Variants in CREB5 observed in about 807,000 individuals in gnomAD.
CREB5 encodes the protein cyclic AMP-responsive element-binding protein 5.
CREB5 carries 19 observed loss-of-function variants against 57.1 expected under a neutral mutation model. The observed-to-expected ratio is 0.33, with a 90% CI of 0.23 to 0.49. The LOEUF is 0.49. Among genes scored for constraint, CREB5 ranks in the 20% least tolerant of loss-of-function variants. The pLI is 0.99. For missense variants in CREB5, 579 were observed against 671.6 expected (o/e 0.86, Z 1.52); for synonymous variants, 238 against 238.3 (o/e 1.00, Z 0.01).
intron 1 of CREB5, among the ~76,000 whole-genome samples, chr7:28,407,028 A>C (rs2128000655): frequency 1.3e-5 from 2 of 151,900 alleles, no homozygotes; most frequent in Middle Eastern, 3.4e-3. Context: ...CCTGTGCCAA[A>C]CACAATTCTT....
chr7:28,683,980 A>G (rs947468620), intron 5 of CREB5, among the ~76,000 whole-genome samples: 5 of 151,948 alleles, frequency 3.3e-5, no homozygotes. Flanking sequence ...TTTAAATAAG[A>G]AAACTAAAGT....
At chr7:28,335,865 T>C (rs1396011910) in intron 1 of CREB5, among the ~76,000 whole-genome samples, 1 of 151,948 alleles carries the variant, frequency 6.6e-6, no homozygotes, top group Non-Finnish European at 1.5e-5. Context: ...TATTATGTTA[T>C]GTTCCGTCTA....
intron 5 of CREB5, among the ~76,000 whole-genome samples, chr7:28,636,135 T>A (rs1798409845): frequency 6.6e-6 from 1 of 152,238 alleles, no homozygotes; most frequent in Admixed American, 6.5e-5. Context: ...CATATTCTTT[T>A]CTAATAATAT....
chr7:28,651,423 A>T (rs1180380271), intron 5 of CREB5, among the ~76,000 whole-genome samples: 1 of 150,050 alleles, frequency 6.7e-6, no homozygotes, highest in Non-Finnish European at 1.5e-5. Flanking sequence ...ATAAGCCTTA[A>T]ATGAACTTGA....
At chr7:28,333,468 T>G (rs1275141528) in intron 1 of CREB5, among the ~76,000 whole-genome samples, 1 of 152,208 alleles carries the variant, frequency 6.6e-6, no homozygotes, top group African/African-American at 2.4e-5. Flanking sequence ...CACCTTGCTG[T>G]GCTGTCAAAT....
chr7:28,440,560 T>C (rs1789145046), intron 1 of CREB5, among the ~76,000 whole-genome samples: 1 of 152,174 alleles, frequency 6.6e-6, no homozygotes, highest in Non-Finnish European at 1.5e-5. Context: ...TTAACAAGCC[T>C]GAAAAGTAAC....
intron 7 of CREB5, among the ~76,000 whole-genome samples, chr7:28,763,328 G>T (rs1432837891): frequency 6.6e-6 from 1 of 152,126 alleles, no homozygotes; most frequent in Non-Finnish European, 1.5e-5. Context: ...TTTTAGGACT[G>T]CCATACCTTC....
At chr7:28,396,663 T>A (rs1353767226) in intron 1 of CREB5, among the ~76,000 whole-genome samples, 1 of 152,224 alleles carries the variant, frequency 6.6e-6, no homozygotes, top group Non-Finnish European at 1.5e-5. Context: ...ATAAGTTTCC[T>A]GTGTCTGTTT....
chr7:28,744,752 C>A (rs2128759662), intron 7 of CREB5, among the ~76,000 whole-genome samples: 1 of 152,282 alleles, frequency 6.6e-6, no homozygotes, highest in African/African-American at 2.4e-5. Flanking sequence ...ATGGGAGGAA[C>A]AAAATTCAGC....
At chr7:28,445,700 C>T (rs867018584) in intron 1 of CREB5, among the ~76,000 whole-genome samples, 101 of 151,974 alleles carry the variant, frequency 6.6e-4, no homozygotes, top group South Asian at 1.0e-3. Context: ...TACAGGCGCC[C>T]GCCACCACGC....
intron 1 of CREB5, among the ~76,000 whole-genome samples, chr7:28,375,498 C>T (rs1786805220): frequency 6.6e-6 from 1 of 151,674 alleles, no homozygotes; most frequent in African/African-American, 2.4e-5. Context: ...TTTAAAATAA[C>T]TAAAAGAGTA....
intron 1 of CREB5, among the ~76,000 whole-genome samples, chr7:28,345,794 A>C (rs1445149143): frequency 6.6e-6 from 1 of 152,202 alleles, no homozygotes; most frequent in East Asian, 1.9e-4. Flanking sequence ...GCTCTCAGCT[A>C]TCATCCAGGG....
At chr7:28,621,896 A>C (rs1474602318) in intron 5 of CREB5, among the ~76,000 whole-genome samples, 2 of 152,204 alleles carry the variant, frequency 1.3e-5, no homozygotes, top group African/African-American at 2.4e-5. Flanking sequence ...AAGAGCCTGT[A>C]ATCCAAATAA....
At chr7:28,363,229 C>T (rs138830979) in intron 1 of CREB5, among the ~76,000 whole-genome samples, 78 of 152,172 alleles carry the variant, frequency 5.1e-4, no homozygotes, top group African/African-American at 1.8e-3. Context: ...ACTTTTCTTC[C>T]CCTGTCTTTC....
intron 7 of CREB5, among the ~76,000 whole-genome samples, chr7:28,765,196 T>C (rs968915198): frequency 7.9e-5 from 12 of 152,216 alleles, no homozygotes; most frequent in African/African-American, 2.9e-4. Flanking sequence ...CGTGTCATGA[T>C]AGAAACTATG....
chr7:28,367,762 C>T (rs1346726345), intron 1 of CREB5, among the ~76,000 whole-genome samples: 1 of 152,160 alleles, frequency 6.6e-6, no homozygotes, highest in Non-Finnish European at 1.5e-5. Context: ...GAGCTGAGAT[C>T]CAGCCACTGT....
chr7:28,444,375 T>C lies in CREB5; in HGVS notation c.3+31458T>C, dbSNP rs1789331469. On this transcript the variant is annotated intron_variant, in intron 1 of 10. Transcript: ENST00000357727. ...GAATCTCAGGCTGCAAATTATCTCC[T>C]TTCTCAACATGGCCCAACTCAGGAA... is the stretch of plus-strand genomic sequence containing the variant. 2.6e-5 allele frequency among the ~76,000 whole-genome samples: 4 copies of C among 152,232 alleles called. No homozygotes were observed. In the South Asian group the frequency reaches 8.3e-4, roughly 32 times the overall value.
chr7:28,371,275 C>T (rs1337346670), intron 1 of CREB5, among the ~76,000 whole-genome samples: 1 of 152,010 alleles, frequency 6.6e-6, no homozygotes, highest in African/African-American at 2.4e-5. Flanking sequence ...TGGAGACCAT[C>T]ATGGCCAACA....
chr7:28,800,347 C>T (rs533687679), intron 7 of CREB5, among the ~76,000 whole-genome samples: 9 of 152,172 alleles, frequency 5.9e-5, no homozygotes, highest in East Asian at 1.9e-4. Flanking sequence ...GGGTGCATGA[C>T]GCGCCCTCCA....
Sources: allele counts gnomAD v4.1 joint callset (sites outside exome capture counted in the v4.1 genomes callset), GRCh38; gene constraint gnomAD v4.1.1; transcripts MANE v1.5; gene names NCBI Gene and HGNC (gene_info 2026-07-23, HGNC 2026-07-21).